Variants in PALM2AKAP2 observed in about 807,000 individuals in gnomAD.
PALM2AKAP2 encodes PALM2 and AKAP2 fusion, also known as PALM2-AKAP2 fusion protein.
Under a neutral mutation model 71.5 loss-of-function variants are expected in PALM2AKAP2, and 37 were observed. That is an observed-to-expected ratio of 0.52 (90% CI 0.40 to 0.68). The LOEUF is 0.68. Among genes scored for constraint, PALM2AKAP2 ranks in the 30% least tolerant of loss-of-function variants. The pLI is 0.00. For synonymous variants in PALM2AKAP2, 468 were observed against 478.8 expected (o/e 0.98, Z 0.29); for missense variants, 1,224 against 1,191.8 (o/e 1.03, Z -0.40).
exon 4 of PALM2AKAP2, chr9:110,168,633 C>T: frequency 1.0e-6 from 1 of 994,664 alleles, no homozygotes; most frequent in South Asian, 1.8e-5. Context: ...CCAGAAGCTG[C>T]AATATACAAT....
chr9:110,037,294 C>G (rs1413537653), intron 7 of PALM2AKAP2, among the ~76,000 whole-genome samples: 1 of 152,130 alleles, frequency 6.6e-6, no homozygotes, highest in South Asian at 2.1e-4. Context: ...ACAACCTCTG[C>G]CTCCTGGGTT....
At chr9:109,842,031 G>A (rs1445153336) in intron 1 of PALM2AKAP2, among the ~76,000 whole-genome samples, 1 of 151,856 alleles carries the variant, frequency 6.6e-6, no homozygotes, top group African/African-American at 2.4e-5. Flanking sequence ...CTGGTGTTAG[G>A]AGGCCAGGGT....
At chr9:109,783,964 C>T (rs1826894405) in intron 1 of PALM2AKAP2, among the ~76,000 whole-genome samples, 1 of 152,212 alleles carries the variant, frequency 6.6e-6, no homozygotes, top group Non-Finnish European at 1.5e-5. Context: ...TGGAATCTTC[C>T]ATTTGGATCC....
chr9:109,695,278 C>T (rs9969683), intron 1 of PALM2AKAP2, among the ~76,000 whole-genome samples: 112,798 of 152,130 alleles, frequency 0.74, 42,644 homozygotes, highest in African/African-American at 0.89. Context: ...TGAAGATGTC[C>T]CTTCTATAAC....
In PALM2AKAP2 at chr9:109,865,147, G is replaced by A. The variant is rs1284036878; in HGVS notation, c.46-2344G>A. On this transcript the variant is annotated intron_variant, in intron 1 of 9. Transcript: ENST00000302798. ...AGAGTCTCACTCTGTCGCCCAGGCT[G>A]GAGTGCAGTGGTGTGATCTTGGCTC... Among the ~76,000 whole-genome samples the A allele has an allele frequency of 1.4e-4, 17 of 118,044 alleles. No individual in the cohort carries two copies. The Admixed American group carries it at 2.1e-3, about 14-fold the overall frequency. 77.4% of individuals were successfully genotyped at this position (118,044 alleles called of 152,430 possible).
intron 5 of PALM2AKAP2, among the ~76,000 whole-genome samples, chr9:109,929,169 G>GTTTTTTTTTTTTT (rs35064231): frequency 7.3e-6 from 1 of 137,758 alleles, no homozygotes. Flanking sequence ...TCTGTAAGTA[G>GTTTTTTTTTTTTT]TTTTTTTTTT....
chr9:110,037,499 C>T (rs1417678281), intron 7 of PALM2AKAP2, among the ~76,000 whole-genome samples: 1 of 152,226 alleles, frequency 6.6e-6, no homozygotes, highest in Admixed American at 6.5e-5. Flanking sequence ...AGCCACCGCA[C>T]CCGGCTTCAA....
At chr9:109,905,547 C>T (rs1587998389) in intron 3 of PALM2AKAP2, among the ~76,000 whole-genome samples, 1 of 152,270 alleles carries the variant, frequency 6.6e-6, no homozygotes, top group Admixed American at 6.5e-5. Flanking sequence ...GATCTACCCG[C>T]AGCACATGCA....
At chr9:109,735,306 C>T (rs1229593993) in intron 1 of PALM2AKAP2, among the ~76,000 whole-genome samples, 1 of 151,362 alleles carries the variant, frequency 6.6e-6, no homozygotes, top group Non-Finnish European at 1.5e-5. Context: ...TTTATGATCT[C>T]CTAGCACTGT....
chr9:110,073,033 C>T (rs76515066), intron 1 of PALM2AKAP2, among the ~76,000 whole-genome samples: 2,022 of 152,270 alleles, frequency 0.013, 37 homozygotes, highest in African/African-American at 0.047. Flanking sequence ...AACACCAAGC[C>T]CAAACTGTTA....
intron 3 of PALM2AKAP2, among the ~76,000 whole-genome samples, chr9:109,883,010 C>T (rs1181922354): frequency 6.6e-6 from 1 of 152,046 alleles, no homozygotes; most frequent in Non-Finnish European, 1.5e-5. Context: ...GGCAGTTTAA[C>T]CTTGGCTTGA....
intron 2 of PALM2AKAP2, among the ~76,000 whole-genome samples, chr9:109,874,362 A>G (rs1274814636): frequency 6.6e-6 from 1 of 152,262 alleles, no homozygotes; most frequent in Non-Finnish European, 1.5e-5. Context: ...TCTTACACAG[A>G]GGCAAGATAG....
At chr9:109,704,422 A>T (rs1344575769) in intron 1 of PALM2AKAP2, among the ~76,000 whole-genome samples, 1 of 152,170 alleles carries the variant, frequency 6.6e-6, no homozygotes, top group Non-Finnish European at 1.5e-5. Flanking sequence ...AATTATTGAC[A>T]TGGATCCAAT....
In PALM2AKAP2 at chr9:110,078,595, C is replaced by T. The variant is rs548502208; in HGVS notation, c.156+29740C>T. Among the ~76,000 whole-genome samples, 7 of 152,218 alleles carry T rather than the reference C, an allele frequency of 4.6e-5. No individual in the cohort carries two copies. The East Asian group carries it at 7.7e-4, about 17-fold the overall frequency. On this transcript the variant is annotated intron_variant, in intron 1 of 3. Coordinates refer to ENST00000374525, the Ensembl canonical transcript of PALM2AKAP2. ...ATTTTCAGATATTCTTAGTGTTTGT[C>T]GTGTATCAGTTTGTTATTTTATTTT...
At chr9:110,056,180 G>A (rs566137668) in intron 1 of PALM2AKAP2, among the ~76,000 whole-genome samples, 2 of 152,262 alleles carry the variant, frequency 1.3e-5, no homozygotes, top group African/African-American at 4.8e-5. Context: ...TGTGTAGAAG[G>A]TGTGAGGAAG....
At chr9:109,867,334 C>T (rs1829478684) in intron 1 of PALM2AKAP2, 157 bp from the exon 2 acceptor site, 4 of 740,270 alleles carry the variant, frequency 5.4e-6, no homozygotes, top group Non-Finnish European at 8.9e-6. Context: ...GCTTGCAACA[C>T]ACCCAGAGAC....
At chr9:109,695,389 G>A (rs1827955241) in intron 1 of PALM2AKAP2, among the ~76,000 whole-genome samples, 1 of 152,038 alleles carries the variant, frequency 6.6e-6, no homozygotes, top group South Asian at 2.1e-4. Flanking sequence ...TGTTTTCTAT[G>A]GTGGCTGTAC....
intron 1 of PALM2AKAP2, chr9:109,867,006 C>T: frequency 2.2e-6 from 1 of 456,478 alleles, no homozygotes. Context: ...GAAACAACGT[C>T]TGCTTATTTA....
chr9:109,783,322 CTTT>C lies in PALM2AKAP2; in HGVS notation c.45+2801_45+2803del, dbSNP rs11302433. ...TCTGAAGTGGAATGTGTATTAATGA[CTTT>C]TTTTTTTTTTTAGACAGAGTCTCAC... On this transcript the variant is annotated intron_variant, in intron 1 of 9. Coordinates refer to the PALM2AKAP2 transcript ENST00000302798. Among the ~76,000 whole-genome samples the C allele has an allele frequency of 4.5e-4, 65 of 145,568 alleles. 1 individual carries two copies. The highest frequency in any genetic ancestry group is 3.5e-3 in the Middle Eastern group (1 of 284).
Sources: allele counts gnomAD v4.1 joint callset (sites outside exome capture counted in the v4.1 genomes callset), GRCh38; gene constraint gnomAD v4.1.1; transcripts MANE v1.5; gene names NCBI Gene and HGNC (gene_info 2026-07-23, HGNC 2026-07-21).